TMEM163: variants seen among roughly 807,000 people sequenced by gnomAD.
TMEM163 encodes transmembrane protein 163.
A neutral mutation model predicts 29.3 loss-of-function variants in TMEM163; 17 were observed. The ratio of observed to expected loss-of-function variants is 0.58; its 90% confidence interval spans 0.40 to 0.87. The LOEUF is 0.87. Among genes scored for constraint, TMEM163 ranks in the 40% least tolerant of loss-of-function variants. TMEM163 has a pLI of 0.00. For missense variants in TMEM163, 303 were observed against 381.5 expected (o/e 0.79, Z 1.71); for synonymous variants, 157 against 160.6 (o/e 0.98, Z 0.17).
intron 2 of TMEM163, among the ~76,000 whole-genome samples, chr2:134,704,217 C>A (rs2104894246): frequency 6.6e-6 from 1 of 152,226 alleles, no homozygotes; most frequent in South Asian, 2.1e-4. Flanking sequence ...AGCTTGAGGG[C>A]CCCCAAGCTA....
At chr2:134,596,516 C>G (rs74600663) in intron 2 of TMEM163, among the ~76,000 whole-genome samples, 99,720 of 151,954 alleles carry the variant, frequency 0.66, 34,425 homozygotes, top group African/African-American at 0.83. Flanking sequence ...GTTACTGTAG[C>G]CTTGTAGTAT....
At chr2:134,542,852 C>A (rs1311281438) in intron 4 of TMEM163, among the ~76,000 whole-genome samples, 3 of 152,194 alleles carry the variant, frequency 2.0e-5, no homozygotes. Flanking sequence ...GTCTTTGCTG[C>A]AATCTTTGGC....
intron 2 of TMEM163, among the ~76,000 whole-genome samples, chr2:134,593,576 C>T (rs1681988755): frequency 6.6e-6 from 1 of 152,120 alleles, no homozygotes; most frequent in Non-Finnish European, 1.5e-5. Flanking sequence ...CTATGTTCTC[C>T]TGGGCCAGGA....
intron 4 of TMEM163, among the ~76,000 whole-genome samples, chr2:134,514,383 CTTTT>C (rs150211429): frequency 0.043 from 5,344 of 125,532 alleles, 180 homozygotes; most frequent in Middle Eastern, 0.093. Flanking sequence ...TACTGATGAT[CTTTT>C]TTTTTTTTTT....
chr2:134,496,833 C>G (rs1380768888), intron 5 of TMEM163, among the ~76,000 whole-genome samples: 1 of 152,122 alleles, frequency 6.6e-6, no homozygotes, highest in African/African-American at 2.4e-5. Flanking sequence ...CTCCTTTGCT[C>G]TCCCTATTCC....
At chr2:134,661,893 T>G (rs1683758949) in intron 2 of TMEM163, among the ~76,000 whole-genome samples, 1 of 151,744 alleles carries the variant, frequency 6.6e-6, no homozygotes, top group African/African-American at 2.4e-5. Flanking sequence ...GATACAGTCT[T>G]TCAAGTAAGT....
At chr2:134,648,677 A>C (rs1460447410) in intron 2 of TMEM163, among the ~76,000 whole-genome samples, 1 of 152,218 alleles carries the variant, frequency 6.6e-6, no homozygotes, top group Non-Finnish European at 1.5e-5. Flanking sequence ...TGTGAAAGGA[A>C]GCGATAACTC....
intron 2 of TMEM163, among the ~76,000 whole-genome samples, chr2:134,589,650 A>C (rs1681898179): frequency 6.6e-6 from 1 of 152,222 alleles, no homozygotes; most frequent in South Asian, 2.1e-4. Context: ...AAACTCATGA[A>C]TAGTCCACCC....
At chr2:134,557,613 T>C (rs1050844083) in intron 2 of TMEM163, among the ~76,000 whole-genome samples, 1 of 152,184 alleles carries the variant, frequency 6.6e-6, no homozygotes, top group African/African-American at 2.4e-5. Flanking sequence ...ATGGTTGTAT[T>C]TTTTAAAGTC....
Position 134,635,208 on chromosome 2 carries a change from G to A in TMEM163, c.322+77992C>T, listed in dbSNP as rs181671311. Among the ~76,000 whole-genome samples, 11 of 152,266 alleles carry A rather than the reference G, an allele frequency of 7.2e-5. No homozygotes were observed. In the East Asian group the frequency reaches 1.4e-3, roughly 19 times the overall value. The stretch of plus-strand genomic sequence containing the variant: ...AGACAATTACAGTCTCTGACTCCTT[G>A]CTGAGATTTCTGTGTTGACTGGAGA... On this transcript the variant is annotated intron_variant, in intron 2 of 7. Coordinates refer to ENST00000281924, the MANE Select transcript of TMEM163 (RefSeq NM_030923.5).
At chr2:134,610,667 A>T (rs1574279251) in intron 2 of TMEM163, among the ~76,000 whole-genome samples, 2 of 152,312 alleles carry the variant, frequency 1.3e-5, no homozygotes, top group East Asian at 3.9e-4. Context: ...AGCACGTTTG[A>T]GTCACCTGGA....
At chr2:134,495,316 G>A (rs1236814708) in intron 5 of TMEM163, among the ~76,000 whole-genome samples, 1 of 152,232 alleles carries the variant, frequency 6.6e-6, no homozygotes, top group Admixed American at 6.5e-5. Flanking sequence ...CAGCCTGGGT[G>A]GAGGGGAGCG....
At chr2:134,463,629 T>A (rs1686599483) in intron 6 of TMEM163, among the ~76,000 whole-genome samples, 1 of 152,180 alleles carries the variant, frequency 6.6e-6, no homozygotes, top group Non-Finnish European at 1.5e-5. Flanking sequence ...AACTGCAAGT[T>A]CTTTAGATCC....
chr2:134,531,876 C>T (rs921325338), intron 4 of TMEM163, among the ~76,000 whole-genome samples: 9 of 152,186 alleles, frequency 5.9e-5, no homozygotes, highest in Non-Finnish European at 1.3e-4. Context: ...GGGGCTGGGG[C>T]TGGAAGTCCT....
chr2:134,497,868 C>A (rs1184872170), intron 5 of TMEM163, among the ~76,000 whole-genome samples: 3 of 152,160 alleles, frequency 2.0e-5, no homozygotes, highest in Non-Finnish European at 2.9e-5. Context: ...AATACAAGCT[C>A]CATCCAGGGA....
chr2:134,527,321 TAGAG>T (rs1026820543), intron 4 of TMEM163, among the ~76,000 whole-genome samples: 2 of 151,726 alleles, frequency 1.3e-5, no homozygotes, highest in East Asian at 1.9e-4. Context: ...ACACTTACTA[TAGAG>T]AGAGAGAGGA....
chr2:134,556,532 G>A (rs58263010), intron 2 of TMEM163, among the ~76,000 whole-genome samples: 2,934 of 152,266 alleles, frequency 0.019, 77 homozygotes, highest in African/African-American at 0.065. Flanking sequence ...AAAGAGTACT[G>A]TTGCTGGCTT....
At chr2:134,532,985 G>T (rs957319795) in intron 4 of TMEM163, among the ~76,000 whole-genome samples, 3 of 152,182 alleles carry the variant, frequency 2.0e-5, no homozygotes, top group Non-Finnish European at 4.4e-5. Context: ...TTCAGAATAT[G>T]TGTTGGGCTA....
chr2:134,710,969 C>T (rs1459133012), intron 2 of TMEM163, among the ~76,000 whole-genome samples: 1 of 152,172 alleles, frequency 6.6e-6, no homozygotes, highest in Non-Finnish European at 1.5e-5. Context: ...CAGAGCATTG[C>T]GTTTCATCCA....
Sources: allele counts gnomAD v4.1 joint callset (sites outside exome capture counted in the v4.1 genomes callset), GRCh38; gene constraint gnomAD v4.1.1; transcripts MANE v1.5; gene names NCBI Gene and HGNC (gene_info 2026-07-23, HGNC 2026-07-21).